SPOCK1: variants seen among roughly 807,000 people sequenced by gnomAD.
SPOCK1 encodes the protein SPARC (osteonectin), cwcv and kazal like domains proteoglycan 1.
In SPOCK1, 23 loss-of-function variants were observed where a neutral mutation model predicts 55.3. That is an observed-to-expected ratio of 0.42 (90% confidence interval 0.30 to 0.59). The LOEUF (loss-of-function observed/expected upper bound fraction) is 0.59, where lower values mean the gene tolerates loss of function less well. SPOCK1 is among the 20% of genes least tolerant of loss of function. The probability of loss-of-function intolerance (pLI) is 0.22; values close to 1 mark genes in which losing one functional copy is unlikely to be tolerated. For synonymous variants in SPOCK1, 226 were observed against 221.0 expected, an observed-to-expected ratio of 1.02 and a Z score of -0.20; for missense variants, 499 against 552.5, an observed-to-expected ratio of 0.90 and a Z score of 0.97.
intron 2 of SPOCK1, among the ~76,000 whole-genome samples, chr5:137,427,422 C>A (rs1752654677): frequency 6.6e-6 from 1 of 152,144 alleles, no homozygotes; most frequent in African/African-American, 2.4e-5. Flanking sequence ...AGCAGCTAAG[C>A]AGGGCCAGGG....
At chr5:137,005,151 G>A in intron 6 of SPOCK1, among the ~76,000 whole-genome samples, 1 of 152,084 alleles carries the variant, frequency 6.6e-6, no homozygotes, top group East Asian at 1.9e-4. Context: ...AGAAAAGATA[G>A]GACCATACAG....
At chr5:137,137,701 T>C (rs911780639) in intron 4 of SPOCK1, among the ~76,000 whole-genome samples, 2 of 152,214 alleles carry the variant, frequency 1.3e-5, no homozygotes, top group African/African-American at 2.4e-5. Context: ...GAAATGACAC[T>C]GTCATCCTCA....
intron 3 of SPOCK1, among the ~76,000 whole-genome samples, chr5:137,203,677 C>A (rs532071208): frequency 6.6e-6 from 1 of 152,264 alleles, no homozygotes; most frequent in African/African-American, 2.4e-5. Context: ...ACTTGGCATA[C>A]GGGGCCACGT....
intron 3 of SPOCK1, among the ~76,000 whole-genome samples, chr5:137,199,508 T>C (rs893987768): frequency 5.9e-5 from 9 of 152,152 alleles, no homozygotes; most frequent in Non-Finnish European, 1.2e-4. Context: ...TGAAACCTCA[T>C]GAGCTCTGAG....
chr5:137,335,431 T>C (rs779759299), intron 2 of SPOCK1, among the ~76,000 whole-genome samples: 1 of 152,264 alleles, frequency 6.6e-6, no homozygotes, highest in Admixed American at 6.5e-5. Context: ...CTTTCTTCTC[T>C]ATACTTCCTG....
intron 6 of SPOCK1, among the ~76,000 whole-genome samples, chr5:137,004,014 C>T (rs1172643114): frequency 1.3e-5 from 2 of 152,178 alleles, no homozygotes; most frequent in Non-Finnish European, 2.9e-5. Flanking sequence ...CCCCCCACTA[C>T]TCCACCATTG....
chr5:137,157,115 A>T (rs761023437), intron 3 of SPOCK1, among the ~76,000 whole-genome samples: 1 of 151,586 alleles, frequency 6.6e-6, no homozygotes, highest in Non-Finnish European at 1.5e-5. Flanking sequence ...TCCCTCCTGC[A>T]CTCTTACATG....
chr5:137,008,189 G>A (rs559799870), intron 6 of SPOCK1, among the ~76,000 whole-genome samples: 1 of 151,990 alleles, frequency 6.6e-6, no homozygotes, highest in South Asian at 2.1e-4. Flanking sequence ...ACCTAATGTA[G>A]ACGACAGGTT....
intron 2 of SPOCK1, among the ~76,000 whole-genome samples, chr5:137,356,798 AATAT>A (rs1191051173): frequency 4.5e-3 from 62 of 13,716 alleles, no homozygotes; most frequent in African/African-American, 0.011. Context: ...CAAAAAAAAT[AATAT>A]ATATATATAT....
intron 2 of SPOCK1, among the ~76,000 whole-genome samples, chr5:137,392,043 G>A (rs1751736515): frequency 6.6e-6 from 1 of 152,104 alleles, no homozygotes; most frequent in African/African-American, 2.4e-5. Flanking sequence ...TCTTCCTTGT[G>A]GCTTTTCCCA....
chr5:137,372,175 G>A (rs1751216017), intron 2 of SPOCK1, among the ~76,000 whole-genome samples: 1 of 152,174 alleles, frequency 6.6e-6, no homozygotes, highest in Non-Finnish European at 1.5e-5. Flanking sequence ...CATGAGCCTG[G>A]TGGTTACTGT....
chr5:137,063,834 A>G (rs1752442931), intron 6 of SPOCK1, among the ~76,000 whole-genome samples: 1 of 152,220 alleles, frequency 6.6e-6, no homozygotes, highest in Non-Finnish European at 1.5e-5. Flanking sequence ...ATTGAATAGA[A>G]ACGGTTGCCA....
intron 3 of SPOCK1, among the ~76,000 whole-genome samples, chr5:137,196,061 G>A (rs181437832): frequency 2.4e-3 from 373 of 152,260 alleles, no homozygotes; most frequent in Non-Finnish European, 2.6e-3. Flanking sequence ...AGGGCAATGC[G>A]AAATGCTGTG....
intron 3 of SPOCK1, among the ~76,000 whole-genome samples, chr5:137,243,082 C>A (rs527907171): frequency 6.7e-4 from 102 of 152,224 alleles, no homozygotes; most frequent in African/African-American, 2.4e-3. Context: ...AAATAAAAAA[C>A]CAAAAGGAAT....
At chr5:137,158,629 A>G (rs998655775) in intron 3 of SPOCK1, among the ~76,000 whole-genome samples, 4 of 152,142 alleles carry the variant, frequency 2.6e-5, no homozygotes, top group Non-Finnish European at 5.9e-5. Context: ...CTGGAGATGA[A>G]AAATACTATG....
At chr5:137,434,829 A>T (rs577025200) in intron 2 of SPOCK1, among the ~76,000 whole-genome samples, 12 of 152,100 alleles carry the variant, frequency 7.9e-5, no homozygotes, top group African/African-American at 2.9e-4. Flanking sequence ...TAACTGGTAA[A>T]TATCAGTAGC....
At chr5:137,118,813 T>C (rs1286996595) in intron 4 of SPOCK1, among the ~76,000 whole-genome samples, 1 of 152,246 alleles carries the variant, frequency 6.6e-6, no homozygotes, top group Non-Finnish European at 1.5e-5. Context: ...CCATCTACCA[T>C]GTTTGTATAA....
intron 2 of SPOCK1, among the ~76,000 whole-genome samples, chr5:137,300,303 T>C (rs1757564240): frequency 6.6e-6 from 1 of 152,152 alleles, no homozygotes; most frequent in South Asian, 2.1e-4. Context: ...TCTCTGAACA[T>C]ATTTATAACA....
At position 136,976,184 on chromosome 5, in the gene SPOCK1, A is replaced by C. The variant is rs1332200111; in HGVS notation, c.*2470T>G. 6.6e-6 allele frequency: 1 copy of C among 152,206 alleles called. No homozygotes were observed. Among genetic ancestry groups the C allele is most frequent in the African/African-American group, 2.4e-5 (1 of 41,454 alleles). The allele number at this position is 152,206 out of a possible 1,614,324, so 9.4% of individuals were successfully genotyped here. ...GTATTAAAGATCTTTAAAAAAATCG[A>C]ATGCTGTCATGTCAAAGTGAGGCAT... On this transcript the variant is annotated 3_prime_UTR_variant, in exon 11 of 11. Transcript: ENST00000394945.
Sources: gnomAD v4.1 joint callset for allele counts (sites outside exome capture counted in the v4.1 genomes callset) on GRCh38, gnomAD v4.1.1 for gene constraint, MANE v1.5 for transcripts, NCBI Gene and HGNC (gene_info 2026-07-23, HGNC 2026-07-21) for gene names.